The following UTRN variants were observed in gnomAD, a reference collection of about 807,000 sequenced individuals.
UTRN encodes the protein utrophin.
In UTRN, 283 loss-of-function variants were observed where a neutral mutation model predicts 463.9. The observed-to-expected ratio is 0.61, with a 90% CI of 0.55 to 0.67. The LOEUF (loss-of-function observed/expected upper bound fraction) is 0.67. Among genes scored for constraint, UTRN ranks in the 30% least tolerant of loss-of-function variants. The pLI, the probability that UTRN is intolerant of heterozygous loss-of-function variation, is 0.00. For missense variants in UTRN, 3,922 were observed against 4,084.3 expected (o/e 0.96, Z 1.08); for synonymous variants, 1,442 against 1,431.5 (o/e 1.01, Z -0.17).
Position 144,768,905 on chromosome 6 carries a change from C to T in UTRN, c.8496-3002C>T, listed in dbSNP as rs1206359304. ...CACATGTTCTCACTATTGTTTGCTT[C>T]ATATGATTTTGTACTTAACTGTTAA... On this transcript the variant is annotated intron_variant, in intron 58 of 74. Coordinates refer to ENST00000367545, the MANE Select transcript of UTRN (RefSeq NM_007124.3). 2.7e-5 allele frequency among the ~76,000 whole-genome samples: 4 copies of T among 146,778 alleles called. No individual in the cohort carries two copies. In the Admixed American group the frequency reaches 2.7e-4, roughly 10 times the overall value.
intron 60 of UTRN, among the ~76,000 whole-genome samples, chr6:144,775,860 GA>G (rs921257537): frequency 6.6e-6 from 1 of 152,040 alleles, no homozygotes; most frequent in African/African-American, 2.4e-5. Flanking sequence ...GATTCCTGAA[GA>G]AAAAAACCCC....
chr6:144,516,151 T>G, intron 37 of UTRN, 78 bp from the exon 38 acceptor site: 2 of 1,449,524 alleles, frequency 1.4e-6, no homozygotes, highest in Non-Finnish European at 1.9e-6. Context: ...AGTTTCTCTC[T>G]TGACACCCCA....
chr6:144,640,683 G>A (rs1252895276), intron 51 of UTRN, among the ~76,000 whole-genome samples: 1 of 152,054 alleles, frequency 6.6e-6, no homozygotes, highest in Non-Finnish European at 1.5e-5. Flanking sequence ...TTTAACAACT[G>A]TTATTATTAG....
chr6:144,785,660 G>A (rs1173282215), intron 61 of UTRN, among the ~76,000 whole-genome samples: 2 of 152,064 alleles, frequency 1.3e-5, no homozygotes, highest in African/African-American at 4.8e-5. Flanking sequence ...TTTTGGTTCT[G>A]GTTGCTGTGT....
intron 63 of UTRN, among the ~76,000 whole-genome samples, chr6:144,796,986 G>T (rs2128745030): frequency 1.3e-5 from 2 of 152,294 alleles, no homozygotes; most frequent in African/African-American, 4.8e-5. Flanking sequence ...ATTGGGAATT[G>T]AAGAGGGATT....
At chr6:144,473,319 G>A (rs910126928) in intron 23 of UTRN, among the ~76,000 whole-genome samples, 6 of 152,072 alleles carry the variant, frequency 3.9e-5, no homozygotes, top group South Asian at 4.1e-4. Flanking sequence ...TCCCTCTACC[G>A]TGCTATTTGT....
intron 66 of UTRN, among the ~76,000 whole-genome samples, chr6:144,827,047 G>GTTA (rs1780246305): frequency 6.6e-6 from 1 of 151,988 alleles, no homozygotes; most frequent in African/African-American, 2.4e-5. Context: ...ATAATTTTGA[G>GTTA]TTATTTTTGA....
chr6:144,603,280 T>G lies in UTRN; in HGVS notation c.7479+25992T>G, dbSNP rs17073934. 2.5e-3 allele frequency among the ~76,000 whole-genome samples: 388 copies of G among 152,324 alleles called. 13 individuals are homozygous for G. The East Asian group carries it at 0.058, about 23-fold the overall frequency. ...CATATCTTTTACTGTAACAAATGAT[T>G]GTGTTTTGTTAGGATAGGTTTCTCT... is the stretch of plus-strand genomic sequence containing the variant. On this transcript the variant is annotated intron_variant, in intron 51 of 74. Coordinates refer to ENST00000367545, the MANE Select transcript of UTRN (RefSeq NM_007124.3).
chr6:144,733,857 A>G (rs769620829), intron 54 of UTRN, among the ~76,000 whole-genome samples: 21 of 152,160 alleles, frequency 1.4e-4, no homozygotes, highest in Non-Finnish European at 1.3e-4. Context: ...TATCTAACAT[A>G]TGCAGCTATT....
rs1487351303 is a variant in UTRN, at chr6:144,668,498, A to G, written c.7480-9908A>G. Reference sequence around the variant, plus strand: ...TGTCTTAGTCAGTTTGGGCTGTTATAACAAAATGCCATAGACTGAGTAGCT... The same window carrying G: ...TGTCTTAGTCAGTTTGGGCTGTTATGACAAAATGCCATAGACTGAGTAGCT... On this transcript the variant is annotated intron_variant, in intron 51 of 74. Coordinates refer to ENST00000367545, the MANE Select transcript of UTRN (RefSeq NM_007124.3). 8.5e-5 allele frequency among the ~76,000 whole-genome samples: 13 copies of G among 152,226 alleles called. 1 individual carries two copies. The East Asian group carries it at 2.5e-3, about 29-fold the overall frequency.
intron 2 of UTRN, among the ~76,000 whole-genome samples, chr6:144,326,937 T>A (rs987676982): frequency 3.3e-5 from 5 of 152,208 alleles, no homozygotes; most frequent in Non-Finnish European, 5.9e-5. Context: ...TCTGCGTCTC[T>A]AGGCCACCTG....
At chr6:144,411,425 C>G (rs9399476) in intron 3 of UTRN, among the ~76,000 whole-genome samples, 56,073 of 151,972 alleles carry the variant, frequency 0.37, 12,371 homozygotes, top group Non-Finnish European at 0.49. Flanking sequence ...GGAGTCAGAG[C>G]TTATTCAGCC....
At chr6:144,536,831 C>A (rs1440300020) in intron 43 of UTRN, among the ~76,000 whole-genome samples, 2 of 151,944 alleles carry the variant, frequency 1.3e-5, no homozygotes, top group Non-Finnish European at 1.5e-5. Context: ...AATCATATTC[C>A]TCTCTTCTGA....
intron 51 of UTRN, among the ~76,000 whole-genome samples, chr6:144,579,398 A>C (rs144899332): frequency 9.7e-4 from 147 of 152,304 alleles, no homozygotes; most frequent in Non-Finnish European, 1.9e-3. Context: ...GTTTAATTTC[A>C]GTAGCTATCT....
intron 64 of UTRN, among the ~76,000 whole-genome samples, chr6:144,800,457 T>C (rs926597937): frequency 5.9e-5 from 9 of 152,200 alleles, no homozygotes; most frequent in East Asian, 1.9e-4. Context: ...ATGATAGAGA[T>C]GTGAAGTTGA....
At chr6:144,653,156 G>C (rs1259763736) in intron 51 of UTRN, among the ~76,000 whole-genome samples, 1 of 152,072 alleles carries the variant, frequency 6.6e-6, no homozygotes, top group Non-Finnish European at 1.5e-5. Context: ...CTGTATTATA[G>C]ATCTTTACAG....
chr6:144,660,075 C>A (rs372658218), intron 51 of UTRN: 10 of 378,690 alleles, frequency 2.6e-5, no homozygotes, highest in African/African-American at 1.3e-4. Context: ...GCCGCTGCTG[C>A]TGATGGACCA....
chr6:144,438,212 G>C (rs1356312392), intron 11 of UTRN, among the ~76,000 whole-genome samples: 2 of 152,206 alleles, frequency 1.3e-5, no homozygotes, highest in Non-Finnish European at 2.9e-5. Flanking sequence ...ATTGCAGTGA[G>C]CTGAGATTCA....
chr6:144,827,570 A>T (rs1256834552), intron 67 of UTRN, 41 bp from the exon 68 acceptor site: 2 of 1,611,100 alleles, frequency 1.2e-6, no homozygotes, highest in South Asian at 1.1e-5. Context: ...ACCTATCAAT[A>T]TTTGGGCATA....
Sources: gnomAD v4.1 joint callset for allele counts (sites outside exome capture counted in the v4.1 genomes callset) on GRCh38, gnomAD v4.1.1 for gene constraint, MANE v1.5 for transcripts, NCBI Gene and HGNC (gene_info 2026-07-23, HGNC 2026-07-21) for gene names.